Variants in SH3KBP1 observed in about 807,000 individuals in gnomAD.
SH3KBP1 encodes SH3 domain containing kinase binding protein 1.
In SH3KBP1, 8 loss-of-function variants were observed where a neutral mutation model predicts 50.1. The ratio of observed to expected loss-of-function variants is 0.16; its 90% CI spans 0.09 to 0.29. SH3KBP1 has a LOEUF of 0.29. Among genes scored for constraint, SH3KBP1 ranks in the 10% least tolerant of loss-of-function variants. SH3KBP1 has a pLI of 1.00. For synonymous variants in SH3KBP1, 227 were observed against 218.6 expected (o/e 1.04, Z -0.34); for missense variants, 377 against 535.2 (o/e 0.70, Z 2.92).
intron 3 of SH3KBP1, 31 bp from the exon 4 acceptor site, chrX:19,707,015 A>G: frequency 9.1e-7 from 1 of 1,098,224 alleles, no homozygotes; most frequent in Non-Finnish European, 1.3e-6. Context: ...ATTTAGAGAC[A>G]GCTCTTCTCC....
At chrX:19,828,618 C>T (rs768104415) in intron 2 of SH3KBP1, among the ~76,000 whole-genome samples, 1 of 109,269 alleles carries the variant, frequency 9.2e-6, no homozygotes, top group East Asian at 2.9e-4. Context: ...CCCGTCTATA[C>T]AAAAAATACA....
rs140410293 is a variant in SH3KBP1 at position 19,635,765 on chromosome X, A to G, written c.803-3807T>C. ...GGACTGTAATATACAAGTAAGCCCAACCACCCCCTCCTGTCCCTGCATGGA... is the reference window on the plus strand; with the variant it reads ...GGACTGTAATATACAAGTAAGCCCAGCCACCCCCTCCTGTCCCTGCATGGA... On this transcript the variant is annotated intron_variant, in intron 7 of 17. Transcript: ENST00000397821. Among the ~76,000 whole-genome samples, 416 of 110,610 alleles carry G rather than the reference A, an allele frequency of 3.8e-3. 1 individual carries two copies. The highest frequency in any genetic ancestry group is 0.014 in the Middle Eastern group (3 of 216).
chrX:19,853,132 G>A (rs752481870), intron 1 of SH3KBP1, among the ~76,000 whole-genome samples: 85 of 112,796 alleles, frequency 7.5e-4, no homozygotes, highest in African/African-American at 2.2e-3. Flanking sequence ...CTGTCTCTGT[G>A]TATGTGTGTG....
Position 19,542,167 on chromosome X carries a change from C to T in SH3KBP1, c.1650G>A (p.Pro550=), listed in dbSNP as rs199899970. 89 of 1,182,988 alleles carry T rather than the reference C, an allele frequency of 7.5e-5. No individual in the cohort carries two copies. The highest frequency in any genetic ancestry group is 2.3e-4 in the Admixed American group (10 of 42,698). The part of the protein sequence containing the change: ...SQVSDNKASL[P]PKPGTMAAGG... ...CTGCTGCCATGGTCCCCGGCTTGGG[C>T]GGCAGGGATGCTTTGTTGTCAGACA... Residue 550 remains proline (P), a synonymous_variant, in exon 16 of 18, where the codon CCG becomes CCA. Transcript: ENST00000397821.
chrX:19,539,798 G>A (rs1309916231), intron 16 of SH3KBP1, among the ~76,000 whole-genome samples: 1 of 111,703 alleles, frequency 9.0e-6, no homozygotes, highest in Non-Finnish European at 1.9e-5. Context: ...CACTGACCCT[G>A]GGCACGAAGG....
chrX:19,772,347 T>C (rs140723697), intron 2 of SH3KBP1, among the ~76,000 whole-genome samples: 1 of 111,251 alleles, frequency 9.0e-6, no homozygotes, highest in Non-Finnish European at 1.9e-5. Context: ...AGCACCACCT[T>C]TAACAGCTTT....
In SH3KBP1 at chrX:19,766,483, C is replaced by CTTTT. The variant is rs61439964; in HGVS notation, c.163-20046_163-20043dup. ...TGCACTTTGAGTCTGTTGATTGCAT[C>CTTTT]TTTTTTTTTTTTTTTTTTTTTTTTT... On this transcript the variant is annotated intron_variant, in intron 2 of 17. Transcript: ENST00000397821. 8.9e-4 allele frequency among the ~76,000 whole-genome samples: 20 copies of CTTTT among 22,589 alleles called. 7 individuals are homozygous for CTTTT. The highest frequency in any genetic ancestry group is 3.3e-3 in the East Asian group (2 of 605). 19.6% of individuals were successfully genotyped at this position (22,589 alleles called of 115,157 possible).
chrX:19,711,435 G>A (rs942838406), intron 3 of SH3KBP1, among the ~76,000 whole-genome samples: 1 of 111,781 alleles, frequency 8.9e-6, no homozygotes, highest in Non-Finnish European at 1.9e-5. Context: ...ATATTTTAGA[G>A]CCTACATCCT....
intron 1 of SH3KBP1, among the ~76,000 whole-genome samples, chrX:19,877,308 G>C (rs2069284342): frequency 8.9e-6 from 1 of 111,881 alleles, no homozygotes; most frequent in Non-Finnish European, 1.9e-5. Context: ...AAGTGAATTT[G>C]AGAAGCTATT....
At chrX:19,554,682 G>A (rs1008038191) in intron 13 of SH3KBP1, among the ~76,000 whole-genome samples, 3 of 111,201 alleles carry the variant, frequency 2.7e-5, no homozygotes, top group East Asian at 5.6e-4. Context: ...GATTACAGGC[G>A]TGAGCCACTA....
chrX:19,723,936 G>A (rs183989141), intron 3 of SH3KBP1, among the ~76,000 whole-genome samples: 61 of 110,981 alleles, frequency 5.5e-4, no homozygotes, highest in African/African-American at 2.0e-3. Context: ...GTCCCCCGCC[G>A]ACCCCACCAA....
At chrX:19,578,967 GCCAAAAATGTC>G (rs768715650) in intron 12 of SH3KBP1, among the ~76,000 whole-genome samples, 4 of 111,525 alleles carry the variant, frequency 3.6e-5, no homozygotes, top group Non-Finnish European at 5.7e-5. Context: ...TCACCTGGTA[GCCAAAAATGTC>G]CCAGGAATCA....
chrX:19,723,918 A>T (rs1238377186), intron 3 of SH3KBP1, among the ~76,000 whole-genome samples: 1 of 111,361 alleles, frequency 9.0e-6, no homozygotes, highest in African/African-American at 3.3e-5. Context: ...GCAGATTATT[A>T]AGCAGATGTC....
intron 1 of SH3KBP1, among the ~76,000 whole-genome samples, chrX:19,843,085 C>G (rs1318643743): frequency 1.2e-5 from 1 of 84,872 alleles, no homozygotes; most frequent in Non-Finnish European, 2.1e-5. Flanking sequence ...ATGGCGTGAT[C>G]TCGGCTCACT....
chrX:19,844,701 C>T lies in SH3KBP1; in HGVS notation c.5-8419G>A, dbSNP rs1186320723. Among the ~76,000 whole-genome samples, 5 of 111,970 alleles carry T rather than the reference C, an allele frequency of 4.5e-5. No homozygotes were observed. In the East Asian group the frequency reaches 1.1e-3, roughly 25 times the overall value. On this transcript the variant is annotated intron_variant, in intron 1 of 17. Transcript: ENST00000397821. ...GCCTCACCAGGGGCTGTCCCTGGAA[C>T]AAAACCTCAAGGAGCAAAAACAAAG...
intron 16 of SH3KBP1, among the ~76,000 whole-genome samples, chrX:19,540,155 C>T (rs771592119): frequency 3.6e-5 from 4 of 111,125 alleles, no homozygotes; most frequent in Non-Finnish European, 5.7e-5. Context: ...CCTTTGGGTA[C>T]CTAAATGAGT....
At chrX:19,764,618 T>C (rs1157493465) in intron 2 of SH3KBP1, among the ~76,000 whole-genome samples, 1 of 111,435 alleles carries the variant, frequency 9.0e-6, no homozygotes, top group East Asian at 2.8e-4. Flanking sequence ...CCCTATGGCT[T>C]CTAGGACACA....
intron 11 of SH3KBP1, among the ~76,000 whole-genome samples, chrX:19,590,078 C>A (rs2066697846): frequency 9.0e-6 from 1 of 111,124 alleles, no homozygotes; most frequent in Non-Finnish European, 1.9e-5. Flanking sequence ...CACTGCACCC[C>A]AGGCTGGGTG....
At chrX:19,781,269 T>A (rs1370025292) in intron 2 of SH3KBP1, among the ~76,000 whole-genome samples, 2 of 111,292 alleles carry the variant, frequency 1.8e-5, no homozygotes, top group East Asian at 5.6e-4. Flanking sequence ...AGGCTCCAGG[T>A]GATGGGATTG....
Sources: gnomAD v4.1 joint callset for allele counts (sites outside exome capture counted in the v4.1 genomes callset) on GRCh38, gnomAD v4.1.1 for gene constraint, MANE v1.5 for transcripts, NCBI Gene and HGNC (gene_info 2026-07-23, HGNC 2026-07-21) for gene names.